NEURL1: variants seen among roughly 807,000 people sequenced by gnomAD.
NEURL1 encodes E3 ubiquitin-protein ligase NEURL1.
In NEURL1, 26 loss-of-function variants were observed where a neutral mutation model predicts 41.2. The ratio of observed to expected loss-of-function variants is 0.63; its 90% CI spans 0.46 to 0.87. The LOEUF is 0.87. NEURL1 is among the 40% of genes least tolerant of loss of function. The pLI, the probability that NEURL1 is intolerant of heterozygous loss-of-function variation, is 0.00. For synonymous variants in NEURL1, 400 were observed against 402.3 expected, an observed-to-expected ratio of 0.99 and a Z score of 0.07; for missense variants, 761 against 871.1, an observed-to-expected ratio of 0.87 and a Z score of 1.59.
chr10:103,534,299 G>A (rs1291061645), intron 1 of NEURL1, among the ~76,000 whole-genome samples: 2 of 149,390 alleles, frequency 1.3e-5, no homozygotes, highest in Admixed American at 1.3e-4. Flanking sequence ...ATGTTCCTTT[G>A]GTGGTGTCAT....
Position 103,494,653 on chromosome 10 carries a change from G to C in NEURL1, c.85+181G>C, listed in dbSNP as rs971784872. On this transcript the variant is annotated intron_variant, in intron 1 of 5. Coordinates refer to ENST00000369780, the MANE Select transcript of NEURL1 (RefSeq NM_004210.5). ...CCGGCGATGATGGTGATGGAGGATGGCGTCCCGCGGGGTCTGCGCAGTTCT... is the reference window on the plus strand; with the variant it reads ...CCGGCGATGATGGTGATGGAGGATGCCGTCCCGCGGGGTCTGCGCAGTTCT... 5.1e-6 allele frequency: 3 copies of C among 590,240 alleles called. No homozygotes were observed. The African/African-American group carries it at 5.9e-5, about 12-fold the overall frequency. 36.6% of individuals were successfully genotyped at this position (590,240 alleles called of 1,614,324 possible).
intron 4 of NEURL1, among the ~76,000 whole-genome samples, chr10:103,585,554 G>A (rs1347700377): frequency 1.3e-5 from 2 of 152,190 alleles, no homozygotes; most frequent in Middle Eastern, 6.3e-3. Flanking sequence ...AGAGGAAAAG[G>A]CCAGGTGCGG....
At chr10:103,512,256 G>T in intron 1 of NEURL1, 1 of 152,678 alleles carries the variant, frequency 6.5e-6, no homozygotes, top group African/African-American at 2.4e-5. Flanking sequence ...TTGAAGAATG[G>T]TGGAGAAGTT....
chr10:103,528,839 C>T (rs1385204239), intron 1 of NEURL1, among the ~76,000 whole-genome samples: 1 of 151,692 alleles, frequency 6.6e-6, no homozygotes, highest in Non-Finnish European at 1.5e-5. Context: ...GGAACTGGAA[C>T]TGGGCAAGTG....
At chr10:103,509,977 T>C (rs2034033476) in intron 1 of NEURL1, among the ~76,000 whole-genome samples, 1 of 152,150 alleles carries the variant, frequency 6.6e-6, no homozygotes, top group Non-Finnish European at 1.5e-5. Context: ...TATTCTGGAA[T>C]TGGGTTGAGA....
chr10:103,573,848 G>GC (rs2035599541), intron 3 of NEURL1, among the ~76,000 whole-genome samples: 1 of 152,166 alleles, frequency 6.6e-6, no homozygotes, highest in Admixed American at 6.5e-5. Flanking sequence ...CAGTCCCAAA[G>GC]CCCCCTCCCT....
intron 1 of NEURL1, among the ~76,000 whole-genome samples, chr10:103,570,325 A>G (rs2035512017): frequency 6.6e-6 from 1 of 152,162 alleles, no homozygotes; most frequent in African/African-American, 2.4e-5. Context: ...GAGGCCGCCC[A>G]TTGTGCCAGA....
intron 1 of NEURL1, among the ~76,000 whole-genome samples, chr10:103,570,456 A>G (rs182590868): frequency 2.6e-5 from 4 of 152,270 alleles, no homozygotes; most frequent in Admixed American, 1.3e-4. Context: ...TATTCAGCAG[A>G]TATGTCATAA....
At chr10:103,537,697 G>A (rs2034723102) in intron 1 of NEURL1, among the ~76,000 whole-genome samples, 2 of 152,140 alleles carry the variant, frequency 1.3e-5, no homozygotes, top group South Asian at 2.1e-4. Flanking sequence ...GCTGGCTTAC[G>A]CTTACATTTA....
At chr10:103,561,934 A>G (rs1430991765) in intron 1 of NEURL1, among the ~76,000 whole-genome samples, 3 of 152,088 alleles carry the variant, frequency 2.0e-5, no homozygotes, top group African/African-American at 7.2e-5. Flanking sequence ...TAATTTCTCC[A>G]CCGGACACCA....
intron 1 of NEURL1, among the ~76,000 whole-genome samples, chr10:103,498,310 C>G (rs986736545): frequency 1.3e-5 from 2 of 152,216 alleles, no homozygotes; most frequent in Non-Finnish European, 2.9e-5. Flanking sequence ...TCACTGCAAG[C>G]TCCGCCTCCC....
rs1337902936 is a variant in NEURL1, at chr10:103,527,084, T to C, written c.85+32612T>C. On this transcript the variant is annotated intron_variant, in intron 1 of 5. Transcript: ENST00000369780. ...AATTAGGGGTGGATTATTCGAGTTT[T>C]CCAGGAAAGGGGCAGACAATGCCTG... 8.4e-4 allele frequency among the ~76,000 whole-genome samples: 128 copies of C among 152,170 alleles called. 1 individual carries two copies. Among genetic ancestry groups the C allele is most frequent in the Non-Finnish European group, 2.9e-5 (2 of 68,032 alleles).
chr10:103,585,605 C>T (rs61872561), intron 4 of NEURL1, among the ~76,000 whole-genome samples: 2,085 of 152,230 alleles, frequency 0.014, 25 homozygotes, highest in Middle Eastern at 0.034. Flanking sequence ...GAGGCCGAGG[C>T]GGGCGAATCA....
At position 103,566,707 on chromosome 10, in the gene NEURL1, TG is replaced by T. The variant is rs909237577; in HGVS notation, c.86-4164del. On this transcript the variant is annotated intron_variant, in intron 1 of 5. Transcript: ENST00000369780. The surrounding 1 kb of genome is among the most constrained non-coding windows in gnomAD (Gnocchi z 4.2). Reference sequence around the variant, plus strand: ...CATGTTTTCATTTCTTGTGGGGAAATGCCTGGAAGTGTGATGCTGGGACATA... The same window carrying T: ...CATGTTTTCATTTCTTGTGGGGAAATCCTGGAAGTGTGATGCTGGGACATA... Among the ~76,000 whole-genome samples the T allele has an allele frequency of 1.3e-5, 2 of 152,174 alleles. No homozygotes were observed. The highest frequency in any genetic ancestry group is 1.3e-4 in the Admixed American group (2 of 15,276).
intron 1 of NEURL1, among the ~76,000 whole-genome samples, chr10:103,542,772 T>A (rs2034846507): frequency 6.6e-6 from 1 of 152,230 alleles, no homozygotes; most frequent in East Asian, 1.9e-4. Context: ...AGTTACCTCC[T>A]GTGCTTCCTG....
chr10:103,518,419 G>T (rs1013914314), intron 1 of NEURL1, among the ~76,000 whole-genome samples: 4 of 151,882 alleles, frequency 2.6e-5, no homozygotes, highest in Admixed American at 2.6e-4. Flanking sequence ...CCTACTGTGT[G>T]CCAGGCACTG....
At chr10:103,520,303 A>G (rs2034318060) in intron 1 of NEURL1, among the ~76,000 whole-genome samples, 1 of 151,916 alleles carries the variant, frequency 6.6e-6, no homozygotes, top group South Asian at 2.1e-4. Flanking sequence ...GAGTCTGAAA[A>G]GAGAGTCAGT....
chr10:103,561,704 C>T (rs762639145), intron 1 of NEURL1, among the ~76,000 whole-genome samples: 1 of 152,242 alleles, frequency 6.6e-6, no homozygotes, highest in Non-Finnish European at 1.5e-5. Context: ...CCCATAGACA[C>T]CTGCCTTGCA....
At position 103,555,559 on chromosome 10, in the gene NEURL1, T is replaced by A. The variant is rs185210137; in HGVS notation, c.86-15313T>A. 1,380 of 570,638 alleles carry A rather than the reference T, an allele frequency of 2.4e-3. 16 individuals carry two copies. In the African/African-American group the frequency reaches 0.025, roughly 10 times the overall value. The allele number at this position is 570,638 out of a possible 1,614,324, so 35.3% of individuals were successfully genotyped here. ...GGGTCTGGGGCTGTGTGGGGGCACCTTTTGGTGGTGGGCACTGGGGTGGGG... is the reference window on the plus strand; with the variant it reads ...GGGTCTGGGGCTGTGTGGGGGCACCATTTGGTGGTGGGCACTGGGGTGGGG... On this transcript the variant is annotated intron_variant, in intron 1 of 5. Transcript: ENST00000369780.
Sources: gnomAD v4.1 joint callset for allele counts (sites outside exome capture counted in the v4.1 genomes callset) on GRCh38, gnomAD v4.1.1 for gene constraint, Gnocchi (gnomAD v3.1) non-coding constraint, MANE v1.5 for transcripts, NCBI Gene and HGNC (gene_info 2026-07-23, HGNC 2026-07-21) for gene names.